PCDHA9: variants seen among roughly 807,000 people sequenced by gnomAD.
PCDHA9 encodes the protein protocadherin alpha-9.
Under a neutral mutation model 62.0 loss-of-function variants are expected in PCDHA9, and 62 were observed. The ratio of observed to expected loss-of-function variants is 1.00; its 90% confidence interval spans 0.81 to 1.23. The LOEUF (loss-of-function observed/expected upper bound fraction) is 1.23. Among genes scored for constraint, PCDHA9 ranks in the 50% most tolerant of loss-of-function variants. PCDHA9 has a pLI of 0.00. For missense variants in PCDHA9, 1,205 were observed against 1,249.8 expected, an observed-to-expected ratio of 0.96 and a Z score of 0.54; for synonymous variants, 557 against 567.6, an observed-to-expected ratio of 0.98 and a Z score of 0.27.
intron 1 of PCDHA9, among the ~76,000 whole-genome samples, chr5:140,941,214 C>CCTTCTTTCTTTCTTT (rs1554214040): frequency 8.2e-6 from 1 of 122,414 alleles, no homozygotes; most frequent in Non-Finnish European, 1.7e-5. Context: ...TTTCTTTCTT[C>CCTTCTTTCTTTCTTT]CTTTCTTTCT....
Position 140,927,865 on chromosome 5 carries a change from A to G in PCDHA9, c.2395-51084A>G, listed in dbSNP as rs576160357. 6.8e-6 allele frequency: 11 copies of G among 1,614,110 alleles called. No homozygotes were observed. In the Admixed American group the frequency reaches 1.3e-4, roughly 20 times the overall value. On this transcript the variant is annotated intron_variant, in intron 1 of 3. Transcript: ENST00000532602. Reference sequence around the variant, plus strand: ...TGTCTTTGGTTTAGCTAGCACCGCTAAACTGCTGGTGGAGGTGACTGACGT... The same window carrying G: ...TGTCTTTGGTTTAGCTAGCACCGCTGAACTGCTGGTGGAGGTGACTGACGT...
chr5:140,951,545 G>C (rs1019007635), intron 1 of PCDHA9, among the ~76,000 whole-genome samples: 2 of 151,950 alleles, frequency 1.3e-5, no homozygotes, highest in Admixed American at 6.6e-5. Context: ...GCAAGGGACG[G>C]GGGGAAGTGC....
chr5:141,000,080 G>T (rs1554257118), intron 3 of PCDHA9, among the ~76,000 whole-genome samples: 1 of 152,068 alleles, frequency 6.6e-6, no homozygotes, highest in Non-Finnish European at 1.5e-5. Context: ...ACAATGCTAG[G>T]CCTGTGAATG....
chr5:140,957,169 A>T (rs868935808), intron 1 of PCDHA9, among the ~76,000 whole-genome samples: 16 of 152,164 alleles, frequency 1.1e-4, no homozygotes, highest in African/African-American at 3.9e-4. Flanking sequence ...CTAAGTATAT[A>T]AATTGGTTTA....
In PCDHA9 at chr5:140,851,734, A is replaced by G. The variant is rs2042144947; in HGVS notation, c.2394+845A>G. 4.1e-6 allele frequency: 4 copies of G among 971,568 alleles called. 1 individual carries two copies. In the South Asian group the frequency reaches 1.9e-4, roughly 46 times the overall value. 60.2% of individuals were successfully genotyped at this position (971,568 alleles called of 1,614,324 possible). On this transcript the variant is annotated intron_variant, in intron 1 of 3. Coordinates refer to ENST00000532602, the MANE Select transcript of PCDHA9 (RefSeq NM_031857.2). ...AGATTCGAAACTTCGAGTTCTTTTG[A>G]AATTCAGAGTCTGTAACTTAAAACA...
Position 141,011,543 on chromosome 5 carries a change from G to T in PCDHA9, c.*1606G>T, listed in dbSNP as rs1478395558. The stretch of plus-strand genomic sequence containing the variant: ...TTTTAACCATTGTTAATCAGCTTTT[G>T]TGTATGAAAGACACAGTAAAATTTC... On this transcript the variant is annotated 3_prime_UTR_variant, in exon 4 of 4. Coordinates refer to ENST00000532602, the MANE Select transcript of PCDHA9 (RefSeq NM_031857.2). 1.3e-5 allele frequency: 2 copies of T among 153,468 alleles called. No individual in the cohort carries two copies. Among genetic ancestry groups the T allele is most frequent in the African/African-American group, 4.8e-5 (2 of 41,376 alleles). The allele number at this position is 153,468 out of a possible 1,614,324, so 9.5% of individuals were successfully genotyped here. A position where few individuals can be genotyped will look rare whatever the true frequency, so the allele number is the denominator to read the frequency against.
intron 1 of PCDHA9, chr5:140,860,876 T>C (rs1451611710): frequency 6.6e-6 from 1 of 152,390 alleles, no homozygotes; most frequent in Non-Finnish European, 1.5e-5. Flanking sequence ...TAGCTGGGAC[T>C]ACAGGTGCCC....
chr5:140,922,605 A>G (rs1328283001), intron 1 of PCDHA9, among the ~76,000 whole-genome samples: 2 of 152,258 alleles, frequency 1.3e-5, no homozygotes, highest in African/African-American at 4.8e-5. Flanking sequence ...AGTTGAAGAT[A>G]TATTAAAACT....
chr5:140,894,253 T>C (rs1554186000), intron 1 of PCDHA9, among the ~76,000 whole-genome samples: 1 of 152,112 alleles, frequency 6.6e-6, no homozygotes, highest in Non-Finnish European at 1.5e-5. Context: ...TTCTTTTCTT[T>C]ACAAGTGGTA....
intron 1 of PCDHA9, chr5:140,883,291 A>G: frequency 6.2e-7 from 1 of 1,614,118 alleles, no homozygotes; most frequent in Non-Finnish European, 8.5e-7. Flanking sequence ...TGGAAGTACT[A>G]GATGTAAATG....
intron 1 of PCDHA9, chr5:140,855,842 A>G (rs1384044109): frequency 2.0e-5 from 13 of 639,106 alleles, no homozygotes; most frequent in Non-Finnish European, 3.4e-5. Flanking sequence ...ACTTACACCT[A>G]AAGCCACCGG....
chr5:140,924,712 T>C (rs1481544117), intron 1 of PCDHA9, among the ~76,000 whole-genome samples: 1 of 151,870 alleles, frequency 6.6e-6, no homozygotes, highest in African/African-American at 2.4e-5. Context: ...TTGTGCAACA[T>C]GGCGAAACCT....
chr5:140,967,800 TGGCA>T, intron 1 of PCDHA9: 1 of 1,614,174 alleles, frequency 6.2e-7, no homozygotes, highest in Non-Finnish European at 8.5e-7. Context: ...CCAGTGCCCA[TGGCA>T]GGTCACTGCA....
chr5:140,849,952 A>G lies in PCDHA9; in HGVS notation c.1457A>G (p.Glu486Gly), dbSNP rs1413987636. 6.3e-7 allele frequency: 1 copy of G among 1,597,826 alleles called. No homozygotes were observed. Among genetic ancestry groups the G allele is most frequent in the Non-Finnish European group, 8.6e-7 (1 of 1,167,904 alleles). The change falls in exon 1 of 4, where the codon GAG becomes GGG. Residue 486 changes from glutamate (E) to glycine (G), a missense_variant. Coordinates refer to ENST00000532602, the MANE Select transcript of PCDHA9 (RefSeq NM_031857.2). Reference sequence around the variant, plus strand: ...TCTGCGCGGGACGCTGACGCGCAGGAGAACGCCCTGGTGTCCTACTCGCTG... The same window carrying G: ...TCTGCGCGGGACGCTGACGCGCAGGGGAACGCCCTGGTGTCCTACTCGCTG... The part of the protein sequence containing the change: ...TVSARDADAQ[E>G]NALVSYSLVE...
At position 141,011,460 on chromosome 5, in the gene PCDHA9, T is replaced by G. The variant is rs1285322141; in HGVS notation, c.*1523T>G. 6.5e-6 allele frequency: 1 copy of G among 153,832 alleles called. No homozygotes were observed. The highest frequency in any genetic ancestry group is 2.4e-5 in the African/African-American group (1 of 41,470). 9.5% of individuals were successfully genotyped at this position (153,832 alleles called of 1,614,324 possible). On this transcript the variant is annotated 3_prime_UTR_variant, in exon 4 of 4. Coordinates refer to ENST00000532602, the MANE Select transcript of PCDHA9 (RefSeq NM_031857.2). The stretch of plus-strand genomic sequence containing the variant: ...TAGAGTGAACTTTAAGCTTTATTGT[T>G]GAATGTAATTCCATTATATTTCCTT...
chr5:140,940,774 G>T (rs1554213602), intron 1 of PCDHA9, among the ~76,000 whole-genome samples: 4 of 151,994 alleles, frequency 2.6e-5, no homozygotes, highest in African/African-American at 7.3e-5. Context: ...GACTTTTGAT[G>T]GTCCATATCC....
At position 140,878,967 on chromosome 5, in the gene PCDHA9, C is replaced by T. The variant is rs562198206; in HGVS notation, c.2394+28078C>T. On this transcript the variant is annotated intron_variant, in intron 1 of 3. Coordinates refer to ENST00000532602, the MANE Select transcript of PCDHA9 (RefSeq NM_031857.2). ...ATGGTATTGAAATGTATTACCTGGA[C>T]ATTCCCCTCTATCTTAGAAATGAGA... Among the ~76,000 whole-genome samples, 52 of 152,298 alleles carry T rather than the reference C, an allele frequency of 3.4e-4. No individual in the cohort carries two copies. The South Asian group carries it at 0.01, about 30-fold the overall frequency.
rs199864758 is a variant in PCDHA9, at chr5:140,850,362, C to T, written c.1867C>T (p.Arg623Cys). The part of the protein sequence containing the change: ...PETASASIPF[R>C]VGLYTGEIST... ...AACGGCCAGCGCGAGCATCCCGTTC[C>T]GCGTGGGGCTGTACACGGGCGAGAT... Residue 623 changes from arginine (R) to cysteine (C), a missense_variant, in exon 1 of 4, where the codon CGC becomes TGC. Around this residue, in one of 3 missense-constraint regions of PCDHA9, gnomAD observed 887 missense variants for 809.5 expected, o/e 1.10. Transcript: ENST00000532602. 1 of 1,597,838 alleles carries T rather than the reference C, an allele frequency of 6.3e-7. No individual in the cohort carries two copies. The highest frequency in any genetic ancestry group is 1.1e-5 in the South Asian group (1 of 90,542).
At chr5:140,941,194 T>TCTTC (rs781904538) in intron 1 of PCDHA9, among the ~76,000 whole-genome samples, 2 of 112,354 alleles carry the variant, frequency 1.8e-5, no homozygotes, top group Non-Finnish European at 3.8e-5. Context: ...TCTTTTTTTT[T>TCTTC]CTTTCTTCCT....
Sources: allele counts gnomAD v4.1 joint callset (sites outside exome capture counted in the v4.1 genomes callset), GRCh38; gene constraint gnomAD v4.1.1; regional missense constraint gnomAD v4.1.1; transcripts MANE v1.5; gene names NCBI Gene and HGNC (gene_info 2026-07-23, HGNC 2026-07-21).